ANXA4: variants seen among roughly 807,000 people sequenced by gnomAD.
The protein encoded by ANXA4 is annexin A4.
Under a neutral mutation model 49.8 loss-of-function variants are expected in ANXA4, and 39 were observed. The ratio of observed to expected loss-of-function variants is 0.78; its 90% CI spans 0.61 to 1.02. The LOEUF (loss-of-function observed/expected upper bound fraction) is 1.02. ANXA4 is among the 50% of genes least tolerant of loss of function. The pLI is 0.00. For synonymous variants in ANXA4, 134 were observed against 152.5 expected, an observed-to-expected ratio of 0.88 and a Z score of 0.89; for missense variants, 360 against 410.1, an observed-to-expected ratio of 0.88 and a Z score of 1.05.
In ANXA4 at chr2:69,825,536, A is replaced by G. The variant is rs754293379; in HGVS notation, c.*21A>G. On this transcript the variant is annotated 3_prime_UTR_variant, in exon 13 of 13. Coordinates refer to ENST00000394295, the MANE Select transcript of ANXA4 (RefSeq NM_001153.5). Reference sequence around the variant, plus strand: ...ATTAAAATAAAAATCCCAGAAGGACAGGAGGATTCTCAACACTTTGAATTT... The same window carrying G: ...ATTAAAATAAAAATCCCAGAAGGACGGGAGGATTCTCAACACTTTGAATTT... 1.3e-6 allele frequency: 2 copies of G among 1,588,622 alleles called. No homozygotes were observed. Among genetic ancestry groups the G allele is most frequent in the Non-Finnish European group, 1.7e-6 (2 of 1,166,794 alleles).
At chr2:69,673,017 A>G (rs144132199) in intron 2 of ANXA4, among the ~76,000 whole-genome samples, 1 of 152,328 alleles carries the variant, frequency 6.6e-6, no homozygotes, top group East Asian at 1.9e-4. Flanking sequence ...GGGGAACAAC[A>G]GATGCTGGAG....
At chr2:69,740,678 CTCT>C (rs2105464467), upstream of ANXA4, among the ~76,000 whole-genome samples, 1 of 94,656 alleles carries the variant, frequency 1.1e-5, no homozygotes, top group African/African-American at 5.7e-5. Context: ...TTCTTTCTTC[CTCT>C]TTTTTTTTTT....
chr2:69,735,367 C>T (rs6739661), intron 3 of ANXA4, among the ~76,000 whole-genome samples: 78,501 of 151,918 alleles, frequency 0.52, 20,671 homozygotes, highest in East Asian at 0.7. Context: ...TCACCAGTCA[C>T]CTCTGGACTT....
chr2:69,744,406 AAAC>A, intron 1 of ANXA4, among the ~76,000 whole-genome samples: 1 of 152,340 alleles, frequency 6.6e-6, no homozygotes, highest in Non-Finnish European at 1.5e-5. Context: ...TTTTATACTA[AAAC>A]AATCACAGAT....
rs1266080458 is a variant in ANXA4, at chr2:69,684,129, A to G, written n.766+30847A>G. On this transcript the variant is annotated intron_variant and non_coding_transcript_variant, in intron 2 of 3. Coordinates refer to the ANXA4 transcript ENST00000418066. The stretch of plus-strand genomic sequence containing the variant: ...AGAAGTATTAACAGTTTTTCTCAAA[A>G]ATTTTAAGATGAAAAATTCTCAAGT... Among the ~76,000 whole-genome samples the G allele has an allele frequency of 2.0e-5, 3 of 152,226 alleles. No homozygotes were observed. In the East Asian group the frequency reaches 5.8e-4, roughly 29 times the overall value.
intron 3 of ANXA4, among the ~76,000 whole-genome samples, chr2:69,736,564 A>G (rs1670251125): frequency 6.6e-6 from 1 of 152,314 alleles, no homozygotes; most frequent in East Asian, 1.9e-4. Context: ...CCATCATTCA[A>G]TTCTCAGTTG....
chr2:69,706,097 A>G (rs1437466769), intron 2 of ANXA4, among the ~76,000 whole-genome samples: 1 of 151,926 alleles, frequency 6.6e-6, no homozygotes, highest in African/African-American at 2.4e-5. Context: ...TTAAAGTATG[A>G]TGCTGAATTT....
chr2:69,748,499 T>G (rs1198259522), intron 1 of ANXA4, among the ~76,000 whole-genome samples: 1 of 150,500 alleles, frequency 6.6e-6, no homozygotes, highest in Non-Finnish European at 1.5e-5. Context: ...AATATATTAA[T>G]TATAAAATTA....
At chr2:69,793,584 A>G (rs754135750) in intron 3 of ANXA4, among the ~76,000 whole-genome samples, 29 of 152,208 alleles carry the variant, frequency 1.9e-4, no homozygotes, top group East Asian at 3.8e-4. Flanking sequence ...CAATGTCCCA[A>G]TTGGATTATT....
chr2:69,747,993 T>C (rs1236940954), intron 1 of ANXA4, among the ~76,000 whole-genome samples: 3 of 152,110 alleles, frequency 2.0e-5, no homozygotes, highest in Admixed American at 1.3e-4. Context: ...TTAAAAATAT[T>C]GTATAAAATT....
chr2:69,650,621 T>C (rs1676197430), intron 1 of ANXA4, among the ~76,000 whole-genome samples: 1 of 152,162 alleles, frequency 6.6e-6, no homozygotes, highest in South Asian at 2.1e-4. Flanking sequence ...CAGCTAATTA[T>C]TTCTTAATTT....
chr2:69,748,404 A>G (rs1302606633), intron 1 of ANXA4, among the ~76,000 whole-genome samples: 1 of 151,356 alleles, frequency 6.6e-6, no homozygotes, highest in Non-Finnish European at 1.5e-5. Flanking sequence ...AAAAAAAATG[A>G]GAGAAAAGGC....
chr2:69,667,097 A>G (rs1676967325), intron 2 of ANXA4, among the ~76,000 whole-genome samples: 3 of 151,844 alleles, frequency 2.0e-5, no homozygotes, highest in Admixed American at 1.3e-4. Flanking sequence ...ATAAAATAAA[A>G]TAGTAAAATA....
chr2:69,675,250 C>G (rs1438461541), intron 2 of ANXA4, among the ~76,000 whole-genome samples: 3 of 152,126 alleles, frequency 2.0e-5, no homozygotes, highest in South Asian at 4.1e-4. Flanking sequence ...CTCAGTCATC[C>G]TGCCCCATAC....
chr2:69,750,936 C>G (rs997747769), intron 1 of ANXA4, among the ~76,000 whole-genome samples: 1 of 151,726 alleles, frequency 6.6e-6, no homozygotes, highest in African/African-American at 2.4e-5. Flanking sequence ...CAGACTATGT[C>G]TTAGTCTGTG....
intron 1 of ANXA4, among the ~76,000 whole-genome samples, chr2:69,649,775 C>T (rs1011783885): frequency 6.6e-6 from 1 of 151,096 alleles, no homozygotes; most frequent in East Asian, 1.9e-4. Flanking sequence ...CCACGTCTGG[C>T]TTTTTATTTT....
chr2:69,783,012 A>G (rs1672264516), intron 2 of ANXA4, among the ~76,000 whole-genome samples: 1 of 152,214 alleles, frequency 6.6e-6, no homozygotes, highest in African/African-American at 2.4e-5. Context: ...TTTAAATAAG[A>G]GTAATAAGAG....
At position 69,826,696 on chromosome 2, in the gene ANXA4, A is replaced by G. The variant is rs1674484467; in HGVS notation, c.*1181A>G. The G allele has an allele frequency of 6.6e-6, 1 of 151,872 alleles. No individual in the cohort carries two copies. Among genetic ancestry groups the G allele is most frequent in the Admixed American group, 6.6e-5 (1 of 15,248 alleles). 9.4% of individuals were successfully genotyped at this position (151,872 alleles called of 1,614,324 possible). A position where few individuals can be genotyped will look rare whatever the true frequency, so the allele number is the denominator to read the frequency against. On this transcript the variant is annotated 3_prime_UTR_variant, in exon 13 of 13. Coordinates refer to ENST00000394295, the MANE Select transcript of ANXA4 (RefSeq NM_001153.5). ...GCCACTCGGAGGCTGAGTCAGGGAGAACTGCTTGAACCCAGGAGGCAGGAG... is the reference window on the plus strand; with the variant it reads ...GCCACTCGGAGGCTGAGTCAGGGAGGACTGCTTGAACCCAGGAGGCAGGAG...
intron 1 of ANXA4, among the ~76,000 whole-genome samples, chr2:69,777,873 G>T (rs1346016067): frequency 6.6e-6 from 1 of 152,162 alleles, no homozygotes; most frequent in Admixed American, 6.5e-5. Flanking sequence ...CATGTCAGGG[G>T]TCAGCAAATG....
Sources: allele counts gnomAD v4.1 joint callset (sites outside exome capture counted in the v4.1 genomes callset), GRCh38; gene constraint gnomAD v4.1.1; transcripts MANE v1.5; gene names NCBI Gene and HGNC (gene_info 2026-07-23, HGNC 2026-07-21).